Variants in RAD51B observed in about 807,000 individuals in gnomAD.
The protein encoded by RAD51B is RAD51 paralog B.
RAD51B carries 38 observed loss-of-function variants against 42.2 expected under a neutral mutation model. The observed-to-expected ratio is 0.90, with a 90% confidence interval of 0.70 to 1.18. RAD51B has a LOEUF of 1.18. RAD51B is among the 50% of genes most tolerant of loss of function. The pLI is 0.00. For synonymous variants in RAD51B, 154 were observed against 145.2 expected, an observed-to-expected ratio of 1.06 and a Z score of -0.43; for missense variants, 373 against 400.7, an observed-to-expected ratio of 0.93 and a Z score of 0.59.
intron 7 of RAD51B, among the ~76,000 whole-genome samples, chr14:68,272,650 TATATATATATATATA>T (rs1232721491): frequency 5.5e-5 from 1 of 18,164 alleles, no homozygotes; most frequent in Admixed American, 5.4e-4. Context: ...TATATATATA[TATATATATATATATA>T]TTTTTTTTTT....
rs1194980355 is a variant in RAD51B, at chr14:68,119,764, T to C, written c.757-172120T>C. On this transcript the variant is annotated intron_variant, in intron 7 of 10. Coordinates refer to ENST00000471583, the MANE Select transcript of RAD51B (RefSeq NM_133510.4). ...CCCAAGTCTTTGCTATTGTGAATAT[T>C]GCCGCAATAAACATACGTGTGCATG... Among the ~76,000 whole-genome samples the C allele has an allele frequency of 2.0e-5, 3 of 151,892 alleles. No individual in the cohort carries two copies. The East Asian group carries it at 5.8e-4, about 29-fold the overall frequency.
At chr14:68,391,413 A>G (rs1246659847) in intron 8 of RAD51B, among the ~76,000 whole-genome samples, 2 of 152,106 alleles carry the variant, frequency 1.3e-5, no homozygotes, top group African/African-American at 2.4e-5. Flanking sequence ...GCTGGGGACC[A>G]TCTTGGCCTT....
intron 10 of RAD51B, among the ~76,000 whole-genome samples, chr14:68,556,784 T>C (rs1320825744): frequency 1.3e-5 from 2 of 152,188 alleles, no homozygotes; most frequent in Non-Finnish European, 2.9e-5. Flanking sequence ...TCACACCAAC[T>C]GCAAGCACAA....
chr14:68,340,187 C>CT (rs889878779), intron 8 of RAD51B, among the ~76,000 whole-genome samples: 11 of 152,276 alleles, frequency 7.2e-5, no homozygotes, highest in East Asian at 1.9e-4. Flanking sequence ...TTCCTTCTTC[C>CT]TTTTTTTACC....
intron 8 of RAD51B, among the ~76,000 whole-genome samples, chr14:68,382,805 T>C (rs2083508294): frequency 6.6e-6 from 1 of 152,210 alleles, no homozygotes; most frequent in Non-Finnish European, 1.5e-5. Context: ...GATAGTTTCC[T>C]GGGATATGAA....
intron 10 of RAD51B, among the ~76,000 whole-genome samples, chr14:68,641,495 A>T (rs1293920735): frequency 8.0e-6 from 1 of 125,344 alleles, no homozygotes; most frequent in Non-Finnish European, 1.7e-5. Context: ...ATGTTGAAAA[A>T]CTATAACAGG....
chr14:68,666,558 A>G (rs756545965), intron 11 of RAD51B, among the ~76,000 whole-genome samples: 25 of 152,206 alleles, frequency 1.6e-4, no homozygotes, highest in Non-Finnish European at 2.2e-4. Flanking sequence ...AACCCCAGGC[A>G]GGAAGTTCCA....
At chr14:67,875,387 T>C (rs2042692983) in intron 5 of RAD51B, among the ~76,000 whole-genome samples, 1 of 152,188 alleles carries the variant, frequency 6.6e-6, no homozygotes, top group Non-Finnish European at 1.5e-5. Context: ...TCCCCACAGA[T>C]AGTTATCTTT....
intron 7 of RAD51B, among the ~76,000 whole-genome samples, chr14:67,905,262 C>T (rs1033740619): frequency 1.3e-4 from 20 of 152,010 alleles, no homozygotes; most frequent in African/African-American, 4.6e-4. Flanking sequence ...GTTTTCTAAC[C>T]TGTTCTGTTG....
intron 10 of RAD51B, among the ~76,000 whole-genome samples, chr14:68,539,872 T>G (rs1283999654): frequency 1.3e-5 from 2 of 152,202 alleles, no homozygotes; most frequent in Non-Finnish European, 2.9e-5. Flanking sequence ...GGTGAAAGGA[T>G]GCTAAACTGT....
In RAD51B at chr14:68,609,207, C is replaced by T. The variant is rs190258261; in HGVS notation, c.1037-1799C>T. On this transcript the variant is annotated intron_variant, in intron 10 of 10. Transcript: ENST00000487861. ...GGCCTGCCCCGAGGGCCCCTCATGG[C>T]CATCCACTGCATTCACTCCAAACCT... Among the ~76,000 whole-genome samples, 766 of 152,326 alleles carry T rather than the reference C, an allele frequency of 5.0e-3. 5 individuals are homozygous for T. The highest frequency in any genetic ancestry group is 6.2e-3 in the Non-Finnish European group (423 of 68,016).
intron 7 of RAD51B, among the ~76,000 whole-genome samples, chr14:67,924,937 C>G (rs867559873): frequency 2.0e-5 from 3 of 152,246 alleles, no homozygotes; most frequent in Non-Finnish European, 4.4e-5. Context: ...AAATCAAAAG[C>G]AAGTTAGTTA....
At chr14:68,498,009 A>T (rs544606066) in intron 10 of RAD51B, 2 of 177,042 alleles carry the variant, frequency 1.1e-5, no homozygotes, top group African/African-American at 2.4e-5. Flanking sequence ...CCTATTTTCA[A>T]TTTTTTAAGG....
intron 8 of RAD51B, among the ~76,000 whole-genome samples, chr14:68,409,152 T>C (rs563032601): frequency 4.6e-5 from 7 of 152,334 alleles, no homozygotes; most frequent in African/African-American, 1.4e-4. Context: ...CACTTGAAAT[T>C]GGAGGAGGTA....
chr14:67,855,437 CT>C (rs2041959501), intron 4 of RAD51B, among the ~76,000 whole-genome samples: 1 of 148,596 alleles, frequency 6.7e-6, no homozygotes, highest in Non-Finnish European at 1.5e-5. Flanking sequence ...CGGGGTTTCA[CT>C]GTGTTAGTAG....
chr14:68,298,636 G>A (rs2081659050), intron 8 of RAD51B, among the ~76,000 whole-genome samples: 1 of 152,156 alleles, frequency 6.6e-6, no homozygotes, highest in African/African-American at 2.4e-5. Context: ...AAGCTGGAGG[G>A]ACAAAAACAC....
intron 7 of RAD51B, among the ~76,000 whole-genome samples, chr14:68,263,516 A>G (rs11844093): frequency 1.1e-3 from 170 of 152,360 alleles, no homozygotes; most frequent in African/African-American, 4.0e-3. Flanking sequence ...AATATTCATT[A>G]TCAATACTTA....
chr14:68,059,463 C>T (rs2076534511), intron 7 of RAD51B, among the ~76,000 whole-genome samples: 1 of 152,202 alleles, frequency 6.6e-6, no homozygotes, highest in East Asian at 1.9e-4. Context: ...TGCATGCACA[C>T]ATAGCTGCAA....
chr14:67,828,497 G>T (rs2040910659), intron 3 of RAD51B, among the ~76,000 whole-genome samples: 1 of 151,986 alleles, frequency 6.6e-6, no homozygotes, highest in Admixed American at 6.6e-5. Context: ...GATCCCACTT[G>T]TCAATTTTGC....
Sources: gnomAD v4.1 joint callset for allele counts (sites outside exome capture counted in the v4.1 genomes callset) on GRCh38, gnomAD v4.1.1 for gene constraint, MANE v1.5 for transcripts, NCBI Gene and HGNC (gene_info 2026-07-23, HGNC 2026-07-21) for gene names.